The following LRRC4C variants were observed in gnomAD, a reference collection of about 807,000 sequenced individuals.
The protein encoded by LRRC4C is leucine rich repeat containing 4C.
LRRC4C carries 5 observed loss-of-function variants against 33.6 expected under a neutral mutation model. That is an observed-to-expected ratio of 0.15 (90% confidence interval 0.08 to 0.31). The LOEUF (loss-of-function observed/expected upper bound fraction) is 0.31, where lower values mean the gene tolerates loss of function less well. Ranked by LOEUF, LRRC4C falls within the 10% of genes least tolerant of loss-of-function variation. The pLI is 1.00. For synonymous variants in LRRC4C, 329 were observed against 302.0 expected (o/e 1.09, Z -0.93); for missense variants, 560 against 796.7 (o/e 0.70, Z 3.58).
At chr11:40,212,899 A>G (rs904719367) in intron 5 of LRRC4C, among the ~76,000 whole-genome samples, 4 of 152,216 alleles carry the variant, frequency 2.6e-5, no homozygotes, top group Admixed American at 6.5e-5. Context: ...GCAATCACCA[A>G]GAAGTGTTAG....
intron 2 of LRRC4C, among the ~76,000 whole-genome samples, chr11:40,772,790 G>A (rs1352754699): frequency 6.6e-6 from 1 of 152,140 alleles, no homozygotes; most frequent in African/African-American, 2.4e-5. Context: ...AGAACAGTAT[G>A]GAGTGTCCTC....
intron 1 of LRRC4C, among the ~76,000 whole-genome samples, chr11:40,966,597 T>C (rs1445724144): frequency 1.3e-5 from 2 of 152,022 alleles, no homozygotes; most frequent in Non-Finnish European, 1.5e-5. Flanking sequence ...CATAGGTATG[T>C]ACACCACCTT....
chr11:41,002,588 C>T (rs16935255), intron 1 of LRRC4C, among the ~76,000 whole-genome samples: 20,504 of 152,118 alleles, frequency 0.13, 1,461 homozygotes, highest in Non-Finnish European at 0.16. Context: ...CTAAAAATCA[C>T]CAAATTAAGG....
Position 41,036,866 on chromosome 11 carries a change from G to A in LRRC4C, c.-495-103143C>T, listed in dbSNP as rs369340623. Among the ~76,000 whole-genome samples, 24 of 152,318 alleles carry A rather than the reference G, an allele frequency of 1.6e-4. No individual in the cohort carries two copies. In the South Asian group the frequency reaches 5.0e-3, roughly 32 times the overall value. Reference sequence around the variant, plus strand: ...TTTTTCACTAGCGGGGGAAGGTCAAGAAATCATTTGTTGCTTCAAAGGAAA... The same window carrying A: ...TTTTTCACTAGCGGGGGAAGGTCAAAAAATCATTTGTTGCTTCAAAGGAAA... On this transcript the variant is annotated intron_variant, in intron 1 of 6. Coordinates refer to ENST00000528697, the MANE Select transcript of LRRC4C (RefSeq NM_001258419.2).
chr11:40,737,150 C>G (rs1947913551), intron 2 of LRRC4C, among the ~76,000 whole-genome samples: 1 of 151,922 alleles, frequency 6.6e-6, no homozygotes, highest in Non-Finnish European at 1.5e-5. Flanking sequence ...GCCGAAAAGG[C>G]CTTCAATAAA....
At chr11:40,604,321 G>A (rs1048008900) in intron 3 of LRRC4C, among the ~76,000 whole-genome samples, 1 of 151,856 alleles carries the variant, frequency 6.6e-6, no homozygotes, top group African/African-American at 2.4e-5. Flanking sequence ...TTCTCCTTCT[G>A]TATTACTTTA....
At position 41,210,798 on chromosome 11, in the gene LRRC4C, C is replaced by G. The variant is rs73485509; in HGVS notation, c.-496+248633G>C. Among the ~76,000 whole-genome samples the G allele has an allele frequency of 2.9e-3, 439 of 152,272 alleles. 3 individuals carry two copies. The highest frequency in any genetic ancestry group is 0.01 in the African/African-American group (417 of 41,554). ...ATTCACATACATTTAAATCAGCAGT[C>G]CCCAATCTTTTTGGTACCAGGGACT... On this transcript the variant is annotated intron_variant, in intron 1 of 6. Transcript: ENST00000528697.
intron 3 of LRRC4C, among the ~76,000 whole-genome samples, chr11:40,459,435 G>T (rs1475044277): frequency 6.6e-6 from 1 of 152,048 alleles, no homozygotes; most frequent in Non-Finnish European, 1.5e-5. Flanking sequence ...GGGGAAAAAT[G>T]ACAAAAGGAA....
intron 1 of LRRC4C, among the ~76,000 whole-genome samples, chr11:40,942,555 T>C (rs1176698754): frequency 2.0e-5 from 3 of 152,056 alleles, no homozygotes; most frequent in African/African-American, 7.2e-5. Flanking sequence ...AGTAGTGCAC[T>C]AGAGTTGGAG....
intron 1 of LRRC4C, among the ~76,000 whole-genome samples, chr11:41,342,784 C>T (rs750837335): frequency 7.9e-5 from 12 of 152,060 alleles, no homozygotes; most frequent in Admixed American, 3.3e-4. Context: ...CAAGCCTCAC[C>T]CCATTTGGGT....
chr11:41,407,328 G>A (rs1279008024), intron 1 of LRRC4C, among the ~76,000 whole-genome samples: 2 of 148,686 alleles, frequency 1.3e-5, no homozygotes, highest in Non-Finnish European at 3.0e-5. Context: ...TTGAGACAGG[G>A]TCTCACTATG....
At position 41,451,826 on chromosome 11, in the gene LRRC4C, C is replaced by G. The variant is rs117986930; in HGVS notation, c.-496+7605G>C. ...CAGGTACCTTGGTAGAGAAAATGAC[C>G]CTGAGCAAAAGTCACATATAAACAT... On this transcript the variant is annotated intron_variant, in intron 1 of 6. Coordinates refer to ENST00000528697, the MANE Select transcript of LRRC4C (RefSeq NM_001258419.2). Among the ~76,000 whole-genome samples the G allele has an allele frequency of 8.4e-4, 128 of 151,998 alleles. 1 individual carries two copies. In the East Asian group the frequency reaches 0.017, roughly 20 times the overall value.
intron 5 of LRRC4C, among the ~76,000 whole-genome samples, chr11:40,189,871 T>C (rs1042867414): frequency 1.3e-5 from 2 of 152,202 alleles, no homozygotes; most frequent in African/African-American, 4.8e-5. Flanking sequence ...ATACATGCTA[T>C]CTAAAATGCA....
At position 40,838,868 on chromosome 11, in the gene LRRC4C, C is replaced by T. The variant is rs543810426; in HGVS notation, c.-407+94767G>A. ...ATAATTATTATAGAAGAATAAATCC[C>T]TCATCCCTAATTCCGTCAACAATTG... On this transcript the variant is annotated intron_variant, in intron 2 of 6. Coordinates refer to ENST00000528697, the MANE Select transcript of LRRC4C (RefSeq NM_001258419.2). 2.0e-5 allele frequency among the ~76,000 whole-genome samples: 3 copies of T among 151,922 alleles called. No individual in the cohort carries two copies. In the South Asian group the frequency reaches 6.2e-4, roughly 32 times the overall value.
intron 5 of LRRC4C, among the ~76,000 whole-genome samples, chr11:40,213,346 TG>T (rs1863745311): frequency 6.6e-6 from 1 of 152,174 alleles, no homozygotes; most frequent in Non-Finnish European, 1.5e-5. Context: ...CACTGAGTAT[TG>T]CCAGCACCCG....
chr11:41,136,566 C>T (rs1552446), intron 1 of LRRC4C, among the ~76,000 whole-genome samples: 102,641 of 152,022 alleles, frequency 0.68, 35,170 homozygotes, highest in Middle Eastern at 0.78. Flanking sequence ...TCATTGATAT[C>T]TTTCCGACAG....
chr11:40,931,760 C>T (rs1000068101), intron 2 of LRRC4C, among the ~76,000 whole-genome samples: 4 of 151,862 alleles, frequency 2.6e-5, no homozygotes, highest in Non-Finnish European at 2.9e-5. Context: ...TGTCATGATT[C>T]GTTTGGTATA....
intron 1 of LRRC4C, among the ~76,000 whole-genome samples, chr11:41,423,338 AG>A (rs1360120535): frequency 6.6e-6 from 1 of 152,028 alleles, no homozygotes; most frequent in Non-Finnish European, 1.5e-5. Flanking sequence ...ACATCACGCT[AG>A]AAAACTTGAA....
At chr11:40,337,578 A>G (rs1014819749) in intron 3 of LRRC4C, among the ~76,000 whole-genome samples, 1 of 152,224 alleles carries the variant, frequency 6.6e-6, no homozygotes, top group African/African-American at 2.4e-5. Context: ...TGATACATGG[A>G]CAAAAGTTTT....
Sources: allele counts gnomAD v4.1 joint callset (sites outside exome capture counted in the v4.1 genomes callset), GRCh38; gene constraint gnomAD v4.1.1; transcripts MANE v1.5; gene names NCBI Gene and HGNC (gene_info 2026-07-23, HGNC 2026-07-21).